Variants in ZNF484 observed in about 807,000 individuals in gnomAD.
The protein encoded by ZNF484 is zinc finger protein 484.
ZNF484 carries 11 observed loss-of-function variants against 12.9 expected under a neutral mutation model. The ratio of observed to expected loss-of-function variants is 0.85; its 90% CI spans 0.54 to 1.41. The LOEUF (loss-of-function observed/expected upper bound fraction) is 1.41, where lower values mean the gene tolerates loss of function less well. Ranked by LOEUF, ZNF484 falls within the 40% of genes most tolerant of loss-of-function variation. The pLI is 0.00. For synonymous variants in ZNF484, 289 were observed against 334.1 expected, an observed-to-expected ratio of 0.86 and a Z score of 1.47; for missense variants, 807 against 1,007.7, an observed-to-expected ratio of 0.80 and a Z score of 2.70.
At chr9:92,862,888 C>T (rs1288543721) in intron 2 of ZNF484, among the ~76,000 whole-genome samples, 1 of 152,086 alleles carries the variant, frequency 6.6e-6, no homozygotes, top group Non-Finnish European at 1.5e-5. Context: ...AGTGGAAATA[C>T]CATTTGACCC....
At chr9:92,859,070 G>C (rs1288264548) in intron 2 of ZNF484, among the ~76,000 whole-genome samples, 1 of 152,060 alleles carries the variant, frequency 6.6e-6, no homozygotes, top group East Asian at 1.9e-4. Context: ...AGGTTGCAGT[G>C]AGCCAAGACT....
chr9:92,873,599 A>G (rs1297954256), intron 2 of ZNF484, among the ~76,000 whole-genome samples: 1 of 152,264 alleles, frequency 6.6e-6, no homozygotes, highest in African/African-American at 2.4e-5. Context: ...AAGAATTAAC[A>G]TAATTAACAT....
At chr9:92,852,977 G>A (rs1856201620) in intron 4 of ZNF484, among the ~76,000 whole-genome samples, 1 of 152,112 alleles carries the variant, frequency 6.6e-6, no homozygotes, top group African/African-American at 2.4e-5. Flanking sequence ...GCAAATATGA[G>A]GCCATATTCT....
intron 1 of ZNF484, 153 bp downstream of exon 1, chr9:92,877,737 C>G: frequency 2.6e-6 from 4 of 1,510,054 alleles, no homozygotes; most frequent in Non-Finnish European, 3.6e-6. Flanking sequence ...CCCCTCAGTG[C>G]CCCCTCACTC....
chr9:92,868,851 A>C (rs151161818), intron 2 of ZNF484, among the ~76,000 whole-genome samples: 1 of 151,908 alleles, frequency 6.6e-6, no homozygotes, highest in African/African-American at 2.4e-5. Flanking sequence ...CACCTCCTAC[A>C]CTGGGATCAA....
chr9:92,856,411 T>G, intron 2 of ZNF484, 93 bp from the exon 3 acceptor site: 39 of 1,029,188 alleles, frequency 3.8e-5, no homozygotes, highest in Non-Finnish European at 4.4e-5. Context: ...GGATCGAGAT[T>G]ACAGAATGGA....
At chr9:92,855,971 C>T in intron 3 of ZNF484, 68 bp from the exon 4 acceptor site, 1 of 1,548,624 alleles carries the variant, frequency 6.5e-7, no homozygotes, top group African/African-American at 1.4e-5. Flanking sequence ...ATTTTTTTCC[C>T]AAAAAAGTTC....
intron 2 of ZNF484, among the ~76,000 whole-genome samples, chr9:92,871,490 G>A (rs1023494532): frequency 6.6e-6 from 1 of 152,156 alleles, no homozygotes; most frequent in African/African-American, 2.4e-5. Flanking sequence ...AAAAAGAAGA[G>A]AAAGGGATGG....
chr9:92,872,550 T>A (rs1169967508), intron 2 of ZNF484, among the ~76,000 whole-genome samples: 2 of 147,980 alleles, frequency 1.4e-5, no homozygotes, highest in Non-Finnish European at 3.0e-5. Context: ...CAGAGAAAGA[T>A]GAGACTACAA....
At position 92,856,224 on chromosome 9, in the gene ZNF484, A is replaced by G. The variant is rs139593811; in HGVS notation, c.110T>C (p.Met37Thr). ...LAQKSLYREV[M>T]LENYFNLISV... is the part of the protein sequence containing the mutation. ...GATCAAGTTGAAATAGTTTTCCAGCATCACTTCTCTGTACAGGCTTTTCTG... is the reference window on the plus strand; with the variant it reads ...GATCAAGTTGAAATAGTTTTCCAGCGTCACTTCTCTGTACAGGCTTTTCTG... Residue 37 changes from methionine (M) to threonine (T), a missense_variant, in exon 3 of 5, where the codon ATG becomes ACG. Transcript: ENST00000375495. 84 of 1,613,910 alleles carry G rather than the reference A, an allele frequency of 5.2e-5. No homozygotes were observed. The highest frequency in any genetic ancestry group is 7.0e-5 in the Non-Finnish European group (83 of 1,180,006).
intron 2 of ZNF484, among the ~76,000 whole-genome samples, chr9:92,866,009 TA>T (rs1198185550): frequency 6.6e-6 from 1 of 152,156 alleles, no homozygotes; most frequent in Non-Finnish European, 1.5e-5. Flanking sequence ...TAAATGAAAA[TA>T]AAATCATAAT....
Position 92,848,624 on chromosome 9 carries a change from A to C in ZNF484, c.236-73T>G. On this transcript the variant is annotated intron_variant, in intron 4 of 4. Transcript: ENST00000375495. The surrounding 1 kb of genome is among the most constrained non-coding windows in gnomAD (Gnocchi z 4.1). The stretch of plus-strand genomic sequence containing the variant: ...AAAATAAGGCCAGGTGCGGTGGCTC[A>C]TGCCTGTAATCCTAGCACTTTGGGA... The C allele has an allele frequency of 8.3e-5, 115 of 1,387,494 alleles. No individual in the cohort carries two copies. The highest frequency in any genetic ancestry group is 1.0e-4 in the Non-Finnish European group (106 of 1,051,462). The allele number at this position is 1,387,494 out of a possible 1,614,324, so 85.9% of individuals were successfully genotyped here.
At chr9:92,861,236 T>C (rs1856765779) in intron 2 of ZNF484, among the ~76,000 whole-genome samples, 1 of 152,200 alleles carries the variant, frequency 6.6e-6, no homozygotes, top group Admixed American at 6.5e-5. Context: ...ATATTCAGAA[T>C]GTCCTGAATA....
chr9:92,864,769 G>A (rs754401412), intron 2 of ZNF484, among the ~76,000 whole-genome samples: 5 of 151,862 alleles, frequency 3.3e-5, no homozygotes, highest in Non-Finnish European at 5.9e-5. Context: ...ACCTACACAC[G>A]CATGGGAGAC....
At chr9:92,854,083 C>G (rs1009112819) in intron 4 of ZNF484, among the ~76,000 whole-genome samples, 2 of 151,792 alleles carry the variant, frequency 1.3e-5, no homozygotes, top group East Asian at 3.9e-4. Flanking sequence ...GGGCTTTTTT[C>G]TCAGTTTGTC....
At chr9:92,858,006 C>G (rs1436828724) in intron 2 of ZNF484, among the ~76,000 whole-genome samples, 2 of 152,180 alleles carry the variant, frequency 1.3e-5, no homozygotes, top group African/African-American at 4.8e-5. Flanking sequence ...ATCTGTCCCC[C>G]TCAGCCTCCC....
chr9:92,849,914 G>T (rs1855963289), intron 4 of ZNF484, among the ~76,000 whole-genome samples: 1 of 151,988 alleles, frequency 6.6e-6, no homozygotes, highest in East Asian at 1.9e-4. Flanking sequence ...GGATTCTTGT[G>T]CCTCAGCCTC....
chr9:92,852,740 T>C (rs1239611692), intron 4 of ZNF484, among the ~76,000 whole-genome samples: 1 of 151,470 alleles, frequency 6.6e-6, no homozygotes, highest in East Asian at 2.0e-4. Context: ...TTTCGCCATG[T>C]TGGCCAGGCT....
At chr9:92,870,939 G>T (rs1857392605) in intron 2 of ZNF484, among the ~76,000 whole-genome samples, 1 of 152,036 alleles carries the variant, frequency 6.6e-6, no homozygotes, top group African/African-American at 2.4e-5. Flanking sequence ...GTACAGCAAG[G>T]CCCCCCAATT....
Sources: gnomAD v4.1 joint callset for allele counts (sites outside exome capture counted in the v4.1 genomes callset) on GRCh38, gnomAD v4.1.1 for gene constraint, Gnocchi (gnomAD v3.1) non-coding constraint, MANE v1.5 for transcripts, NCBI Gene and HGNC (gene_info 2026-07-23, HGNC 2026-07-21) for gene names.